EFL1: variants seen among roughly 807,000 people sequenced by gnomAD.
EFL1 encodes elongation factor like GTPase 1, also known as elongation factor-like GTPase 1.
A neutral mutation model predicts 126.7 loss-of-function variants in EFL1; 76 were observed. The observed-to-expected ratio is 0.60, with a 90% confidence interval of 0.50 to 0.73. The LOEUF (loss-of-function observed/expected upper bound fraction) is 0.73, where lower values mean the gene tolerates loss of function less well. Among genes scored for constraint, EFL1 ranks in the 30% least tolerant of loss-of-function variants. The pLI is 0.00. For missense variants in EFL1, 1,128 were observed against 1,343.2 expected (o/e 0.84, Z 2.50); for synonymous variants, 410 against 448.4 (o/e 0.91, Z 1.08).
At chr15:82,217,161 C>T (rs1012199752) in intron 14 of EFL1, among the ~76,000 whole-genome samples, 2 of 151,738 alleles carry the variant, frequency 1.3e-5, no homozygotes, top group Non-Finnish European at 2.9e-5. Context: ...CCTAACAAAA[C>T]CAAATTTTGG....
At chr15:82,242,094 A>T (rs1439350568) in intron 4 of EFL1, among the ~76,000 whole-genome samples, 1 of 151,768 alleles carries the variant, frequency 6.6e-6, no homozygotes, top group Non-Finnish European at 1.5e-5. Flanking sequence ...GGCAAACAAG[A>T]AAAAAAAAGA....
chr15:82,175,302 A>G (rs1452163836), intron 15 of EFL1, among the ~76,000 whole-genome samples: 2 of 152,238 alleles, frequency 1.3e-5, no homozygotes, highest in Admixed American at 6.5e-5. Flanking sequence ...CAAAAGTAAC[A>G]ATATTAGAAT....
intron 15 of EFL1, among the ~76,000 whole-genome samples, chr15:82,179,515 T>C (rs1250581752): frequency 1.3e-5 from 2 of 152,148 alleles, no homozygotes; most frequent in African/African-American, 2.4e-5. Flanking sequence ...AGACAATCCC[T>C]GGCAGTTCTG....
Position 82,138,665 on chromosome 15 carries a change from T to C in EFL1, c.3167A>G (p.His1056Arg), listed in dbSNP as rs2141213083. The C allele has an allele frequency of 6.2e-7, 1 of 1,613,596 alleles. No homozygotes were observed. The highest frequency in any genetic ancestry group is 2.2e-5 in the East Asian group (1 of 44,884). ...GLASPQLVFS[H>R]WEIIPSDPFW... ...GGGAACTTGGATTTTTACCTCCCAA[T>C]GGCTGAATACTAGTTGTGGGCTGGC... Residue 1056 changes from histidine to arginine, a missense_variant, in exon 19 of 20, where the codon CAT becomes CGT. His to Arg is a conservative substitution (Grantham distance 29). Around this residue, in one of 6 missense-constraint regions of EFL1, gnomAD observed 561 missense variants for 641.7 expected, o/e 0.87. Transcript: ENST00000268206.
intron 19 of EFL1, among the ~76,000 whole-genome samples, chr15:82,137,934 T>A (rs543798714): frequency 6.6e-6 from 1 of 152,344 alleles, no homozygotes; most frequent in East Asian, 1.9e-4. Context: ...GGACAGCTGG[T>A]CTGACCTTAT....
At chr15:82,244,039 G>T (rs1172497884) in intron 4 of EFL1, among the ~76,000 whole-genome samples, 1 of 152,106 alleles carries the variant, frequency 6.6e-6, no homozygotes, top group African/African-American at 2.4e-5. Flanking sequence ...ATATTTAATG[G>T]TGAGAAGGAG....
intron 4 of EFL1, among the ~76,000 whole-genome samples, chr15:82,249,949 C>T (rs945503548): frequency 3.3e-5 from 5 of 152,124 alleles, no homozygotes; most frequent in African/African-American, 4.8e-5. Flanking sequence ...TTTGAAAGCT[C>T]GGTAAATTAA....
intron 8 of EFL1, among the ~76,000 whole-genome samples, chr15:82,229,834 G>A (rs938922740): frequency 2.0e-5 from 3 of 152,076 alleles, no homozygotes; most frequent in Non-Finnish European, 4.4e-5. Flanking sequence ...AAATGATAGT[G>A]CTCTCACAAA....
chr15:82,261,827 C>T, intron 1 of EFL1, 30 bp from the exon 2 acceptor site: 1 of 1,565,858 alleles, frequency 6.4e-7, no homozygotes, highest in Non-Finnish European at 8.7e-7. Context: ...TACAAATGGC[C>T]CAGAGGCTAA....
At chr15:82,243,809 G>A (rs1319790304) in intron 4 of EFL1, among the ~76,000 whole-genome samples, 4 of 151,754 alleles carry the variant, frequency 2.6e-5, no homozygotes, top group Admixed American at 2.6e-4. Context: ...ATTCATTCAG[G>A]AAGGGCAGGT....
intron 17 of EFL1, among the ~76,000 whole-genome samples, chr15:82,157,198 T>C (rs1227911990): frequency 6.6e-6 from 1 of 152,198 alleles, no homozygotes; most frequent in East Asian, 1.9e-4. Context: ...TTTTTCTTCT[T>C]CTGCATTTTC....
chr15:82,136,308 G>C, intron 19 of EFL1, among the ~76,000 whole-genome samples: 1 of 152,078 alleles, frequency 6.6e-6, no homozygotes, highest in East Asian at 1.9e-4. Flanking sequence ...TCTTTGTTCT[G>C]ATCAAACATA....
At chr15:82,198,578 G>T (rs2141278951) in intron 15 of EFL1, among the ~76,000 whole-genome samples, 1 of 152,246 alleles carries the variant, frequency 6.6e-6, no homozygotes, top group East Asian at 1.9e-4. Context: ...TAGAGAAGAG[G>T]GCACAGAGGG....
intron 14 of EFL1, chr15:82,215,464 ATACAAG>A (rs1239124700): frequency 6.6e-6 from 1 of 152,192 alleles, no homozygotes; most frequent in Non-Finnish European, 1.5e-5. Context: ...CAGCAAAAAT[ATACAAG>A]TACAAGTACA....
At chr15:82,182,666 T>G (rs1250920385) in intron 15 of EFL1, among the ~76,000 whole-genome samples, 1 of 151,178 alleles carries the variant, frequency 6.6e-6, no homozygotes, top group Non-Finnish European at 1.5e-5. Context: ...TACTAAAAAA[T>G]ACAAAAAAAT....
At chr15:82,258,238 A>G (rs2075082975) in intron 3 of EFL1, among the ~76,000 whole-genome samples, 1 of 152,222 alleles carries the variant, frequency 6.6e-6, no homozygotes, top group Non-Finnish European at 1.5e-5. Context: ...GCTACAAATA[A>G]AGATCTCTTT....
At chr15:82,151,364 G>A (rs376650778) in intron 18 of EFL1, 101 bp downstream of exon 18, 6 of 1,158,132 alleles carry the variant, frequency 5.2e-6, no homozygotes, top group Middle Eastern at 2.3e-4. Flanking sequence ...CTCCAGCTGG[G>A]GCGACAGAAT....
At chr15:82,140,340 C>G (rs2073772720) in intron 18 of EFL1, among the ~76,000 whole-genome samples, 1 of 151,938 alleles carries the variant, frequency 6.6e-6, no homozygotes, top group East Asian at 1.9e-4. Context: ...CTTTTTTCCC[C>G]CAATTTTCAT....
At chr15:82,173,418 TTAGA>T (rs1335115839) in intron 15 of EFL1, among the ~76,000 whole-genome samples, 1 of 152,180 alleles carries the variant, frequency 6.6e-6, no homozygotes, top group Non-Finnish European at 1.5e-5. Flanking sequence ...GATAAGGGAC[TTAGA>T]TAGCTAACAT....
Sources: gnomAD v4.1 joint callset for allele counts (sites outside exome capture counted in the v4.1 genomes callset) on GRCh38, gnomAD v4.1.1 for gene constraint, gnomAD v4.1.1 regional missense constraint, MANE v1.5 for transcripts, NCBI Gene and HGNC (gene_info 2026-07-23, HGNC 2026-07-21) for gene names.